DDX55: variants seen among roughly 807,000 people sequenced by gnomAD.
The protein encoded by DDX55 is ATP-dependent RNA helicase DDX55.
A neutral mutation model predicts 69.2 loss-of-function variants in DDX55; 56 were observed. That is an observed-to-expected ratio of 0.81 (90% CI 0.65 to 1.01). The LOEUF (loss-of-function observed/expected upper bound fraction) is 1.01. Among genes scored for constraint, DDX55 ranks in the 50% least tolerant of loss-of-function variants. DDX55 has a pLI of 0.00. For missense variants in DDX55, 720 were observed against 745.1 expected (o/e 0.97, Z 0.39); for synonymous variants, 268 against 273.1 (o/e 0.98, Z 0.18).
intron 3 of DDX55, 59 bp downstream of exon 3, chr12:123,606,218 A>G (rs1175408770): frequency 6.3e-7 from 1 of 1,588,214 alleles, no homozygotes; most frequent in Non-Finnish European, 8.6e-7. Context: ...ACATTGGATT[A>G]AGAAGCTGGC....
Position 123,619,623 on chromosome 12 carries a change from A to G in DDX55, c.1525A>G (p.Asn509Asp). The G allele has an allele frequency of 6.2e-7, 1 of 1,613,474 alleles. No homozygotes were observed. The highest frequency in any genetic ancestry group is 8.5e-7 in the Non-Finnish European group (1 of 1,179,910). The change falls in exon 13 of 14, where the codon AAT (asparagine) becomes GAT (aspartate). Residue 509 changes from asparagine to aspartate, a missense_variant. Coordinates refer to ENST00000238146, the MANE Select transcript of DDX55 (RefSeq NM_020936.3). ...GCAACAAAGAAGAGAGAAAACAGAAAATGAAGGGAGAAGAAAATTCATAAA... is the reference window on the plus strand; with the variant it reads ...GCAACAAAGAAGAGAGAAAACAGAAGATGAAGGGAGAAGAAAATTCATAAA... ...LEQQRREKTE[N>D]EGRRKFIKNK...
chr12:123,602,207 T>G lies in DDX55; in HGVS notation c.59T>G (p.Val20Gly). Residue 20 changes from valine (V) to glycine (G), a missense_variant, in exon 1 of 14, where the codon GTG (valine) becomes GGG (glycine). Coordinates refer to ENST00000238146, the MANE Select transcript of DDX55 (RefSeq NM_020936.3). ...ESLPVPLHPQVLGALRELGFP... is the reference protein window; with the variant it reads ...ESLPVPLHPQGLGALRELGFP... The stretch of plus-strand genomic sequence containing the variant: ...CTGCCTGTGCCGCTGCACCCGCAGG[T>G]GCTGGGCGCGCTGCGGGAGCTGGGC... The G allele has an allele frequency of 6.4e-7, 1 of 1,573,948 alleles. No individual in the cohort carries two copies.
intron 8 of DDX55, among the ~76,000 whole-genome samples, chr12:123,614,667 C>T (rs1954519195): frequency 6.6e-6 from 1 of 152,152 alleles, no homozygotes; most frequent in South Asian, 2.1e-4. Context: ...GACTGCCAAC[C>T]CCTTTTTGTC....
At chr12:123,613,904 T>C (rs1954458495) in intron 8 of DDX55, among the ~76,000 whole-genome samples, 1 of 152,346 alleles carries the variant, frequency 6.6e-6, no homozygotes, top group South Asian at 2.1e-4. Flanking sequence ...TAGGGACAGA[T>C]GCATATGTTC....
intron 11 of DDX55, chr12:123,618,384 C>A: frequency 1.3e-6 from 1 of 782,786 alleles, no homozygotes. Flanking sequence ...GGTAGCATGC[C>A]CTGCTGGGAC....
At chr12:123,610,958 T>A (rs1262837656) in intron 7 of DDX55, among the ~76,000 whole-genome samples, 1 of 147,958 alleles carries the variant, frequency 6.8e-6, no homozygotes, top group Non-Finnish European at 1.5e-5. Flanking sequence ...TGGAGTGCAA[T>A]GGCACGATCT....
In DDX55 at chr12:123,610,922, ACGGGGTCT is replaced by A. The variant is rs1206376974; in HGVS notation, c.741+796_741+803del. Among the ~76,000 whole-genome samples the A allele has an allele frequency of 3.8e-5, 5 of 131,356 alleles. No individual in the cohort carries two copies. In the East Asian group the frequency reaches 1.2e-3, roughly 31 times the overall value. 86.2% of individuals were successfully genotyped at this position (131,356 alleles called of 152,430 possible). ...TTTGTTTGTTTTTTTTTGTTTTGAG[ACGGGGTCT>A]CACCCTGTCACCCAGGCTGGAGTGC... On this transcript the variant is annotated intron_variant, in intron 7 of 13. Coordinates refer to ENST00000238146, the MANE Select transcript of DDX55 (RefSeq NM_020936.3).
chr12:123,609,919 G>A lies in DDX55; in HGVS notation c.552-20G>A, dbSNP rs558405015. ...TCTGCTGGCAAGTGAGCGGTTAAGT[G>A]TGAGCCCTCTTTTTATCAGCATCAA... On this transcript the variant is annotated intron_variant, in intron 6 of 13. Coordinates refer to ENST00000238146, the MANE Select transcript of DDX55 (RefSeq NM_020936.3). 2.1e-5 allele frequency: 34 copies of A among 1,608,230 alleles called. No homozygotes were observed. In the South Asian group the frequency reaches 3.1e-4, roughly 15 times the overall value.
At chr12:123,617,728 G>C in intron 10 of DDX55, 30 bp from the exon 11 acceptor site, 1 of 1,584,950 alleles carries the variant, frequency 6.3e-7, no homozygotes, top group Non-Finnish European at 8.6e-7. Flanking sequence ...TCATCACCTG[G>C]GTACCCATTT....
At chr12:123,611,868 G>T (rs2135715069) in intron 7 of DDX55, among the ~76,000 whole-genome samples, 1 of 152,332 alleles carries the variant, frequency 6.6e-6, no homozygotes, top group Admixed American at 6.5e-5. Context: ...GCTAGAGCAG[G>T]ACTGCCTGGT....
Position 123,613,047 on chromosome 12 carries a change from T to C in DDX55, c.742-123T>C, listed in dbSNP as rs903392043. Reference sequence around the variant, plus strand: ...TAGGTAGACCAGTTAACATTCCGACTAAAGTCTGTCCTACCCATGGGGGAA... The same window carrying C: ...TAGGTAGACCAGTTAACATTCCGACCAAAGTCTGTCCTACCCATGGGGGAA... On this transcript the variant is annotated intron_variant, in intron 7 of 13. Coordinates refer to ENST00000238146, the MANE Select transcript of DDX55 (RefSeq NM_020936.3). The C allele has an allele frequency of 3.3e-5, 32 of 958,828 alleles. No individual in the cohort carries two copies. In the East Asian group the frequency reaches 7.9e-4, roughly 24 times the overall value. The allele number at this position is 958,828 out of a possible 1,614,324, so 59.4% of individuals were successfully genotyped here.
chr12:123,613,177 A>G lies in DDX55; in HGVS notation c.749A>G (p.Lys250Arg). ...TCCCTTTTTATTTTGCAGGTATGCAAGGCAGATGAGAAATTTAATCAGCTG... is the reference window on the plus strand; with the variant it reads ...TCCCTTTTTATTTTGCAGGTATGCAGGGCAGATGAGAAATTTAATCAGCTG... The part of the protein sequence containing the change: ...SRLENYYMVC[K>R]ADEKFNQLVH... The change falls in exon 8 of 14, where the codon AAG becomes AGG. Residue 250 changes from lysine (K) to arginine (R), a missense_variant. Transcript: ENST00000238146. The G allele has an allele frequency of 6.2e-7, 1 of 1,614,166 alleles. No individual in the cohort carries two copies. Among genetic ancestry groups the G allele is most frequent in the African/African-American group, 1.3e-5 (1 of 75,056 alleles).
At chr12:123,613,786 G>T (rs985635401) in intron 8 of DDX55, among the ~76,000 whole-genome samples, 1 of 152,164 alleles carries the variant, frequency 6.6e-6, no homozygotes, top group Non-Finnish European at 1.5e-5. Context: ...CAGCTTTTCT[G>T]CCTCTGTAGT....
At position 123,619,547 on chromosome 12, in the gene DDX55, G is replaced by T. The variant is rs758954749; in HGVS notation, c.1449G>T (p.Thr483=). The stretch of plus-strand genomic sequence containing the variant: ...TGCCCGTGGACGTTAATACCGACAC[G>T]ATTCCATTTAAAGATAAAATCAGAG... ...DFVPVDVNTD[T]IPFKDKIREK... The change falls in exon 13 of 14, where the codon ACG becomes ACT. Residue 483 remains threonine (T), a synonymous_variant. Transcript: ENST00000238146. The T allele has an allele frequency of 3.7e-5, 59 of 1,613,828 alleles. No homozygotes were observed. In the South Asian group the frequency reaches 6.3e-4, roughly 17 times the overall value.
In DDX55 at chr12:123,620,842, T is replaced by C. The variant is rs1197381282; in HGVS notation, c.*702T>C. ...TGTTAATAGTCACAGTATTGTTTTA[T>C]TGGTGAATAGCTGAAAAACAGAGGG... On this transcript the variant is annotated 3_prime_UTR_variant, in exon 14 of 14. Transcript: ENST00000238146. 1 of 151,606 alleles carries C rather than the reference T, an allele frequency of 6.6e-6. No individual in the cohort carries two copies. Among genetic ancestry groups the C allele is most frequent in the African/African-American group, 2.4e-5 (1 of 41,284 alleles). 9.4% of individuals were successfully genotyped at this position (151,606 alleles called of 1,614,324 possible).
chr12:123,609,801 C>T lies in DDX55; in HGVS notation c.552-138C>T, dbSNP rs76075353. 5.5e-3 allele frequency: 5,432 copies of T among 996,066 alleles called. 127 individuals are homozygous for T. In the African/African-American group the frequency reaches 0.065, roughly 12 times the overall value. The allele number at this position is 996,066 out of a possible 1,614,324, so 61.7% of individuals were successfully genotyped here. ...AGAAACAAAGAATCACCTATAATCT[C>T]ACCTCCCAGTGTATGTGCTATAAAT... On this transcript the variant is annotated intron_variant, in intron 6 of 13. Coordinates refer to ENST00000238146, the MANE Select transcript of DDX55 (RefSeq NM_020936.3).
chr12:123,613,831 T>C (rs74649752), intron 8 of DDX55, among the ~76,000 whole-genome samples: 2,200 of 152,240 alleles, frequency 0.014, 55 homozygotes, highest in African/African-American at 0.05. Flanking sequence ...TTGGGAATAG[T>C]GTTTATCAGC....
intron 10 of DDX55, 59 bp downstream of exon 10, chr12:123,616,662 A>G: frequency 6.6e-7 from 1 of 1,513,948 alleles, no homozygotes; most frequent in Non-Finnish European, 9.2e-7. Context: ...TAAAGGAGGA[A>G]TCCCGAAGAA....
In DDX55 at chr12:123,619,982, G is replaced by A. The variant is rs762201951; in HGVS notation, c.1645G>A (p.Glu549Lys). ...KREEGSDIED[E>K]DMEELLNDTR... ...CACTTAGGGTTCTGATATTGAAGAT[G>A]AGGACATGGAAGAACTTCTTAATGA... is the stretch of plus-strand genomic sequence containing the variant. The change falls in exon 14 of 14, where the codon GAG becomes AAG. Residue 549 changes from glutamate (E) to lysine (K), a missense_variant. Glu to Lys is a moderately conservative substitution (Grantham distance 56). Transcript: ENST00000238146. 6.2e-7 allele frequency: 1 copy of A among 1,613,330 alleles called. No individual in the cohort carries two copies. Among genetic ancestry groups the A allele is most frequent in the Non-Finnish European group, 8.5e-7 (1 of 1,179,754 alleles).
Sources: gnomAD v4.1 joint callset for allele counts (sites outside exome capture counted in the v4.1 genomes callset) on GRCh38, gnomAD v4.1.1 for gene constraint, MANE v1.5 for transcripts, NCBI Gene and HGNC (gene_info 2026-07-23, HGNC 2026-07-21) for gene names.